The following GPM6A variants were observed in gnomAD, a reference collection of about 807,000 sequenced individuals.
GPM6A encodes the protein neuronal membrane glycoprotein M6-a.
GPM6A carries 7 observed loss-of-function variants against 32.1 expected under a neutral mutation model. The ratio of observed to expected loss-of-function variants is 0.22; its 90% CI spans 0.12 to 0.41. The LOEUF (loss-of-function observed/expected upper bound fraction) is 0.41. Among genes scored for constraint, GPM6A ranks in the 10% least tolerant of loss-of-function variants. The probability of loss-of-function intolerance (pLI) is 1.00; values close to 1 mark genes in which losing one functional copy is unlikely to be tolerated. For synonymous variants in GPM6A, 130 were observed against 123.4 expected, an observed-to-expected ratio of 1.05 and a Z score of -0.35; for missense variants, 235 against 347.2, an observed-to-expected ratio of 0.68 and a Z score of 2.57.
intron 1 of GPM6A, among the ~76,000 whole-genome samples, chr4:175,898,292 C>T (rs1049808832): frequency 2.0e-5 from 3 of 152,134 alleles, no homozygotes; most frequent in African/African-American, 7.2e-5. Context: ...CAAACATTTC[C>T]ATATATAATT....
chr4:175,933,849 T>A (rs1739137778), intron 1 of GPM6A, among the ~76,000 whole-genome samples: 2 of 152,096 alleles, frequency 1.3e-5, no homozygotes, highest in Admixed American at 1.3e-4. Context: ...CGGCCAGAAG[T>A]TTTATTCATA....
intron 1 of GPM6A, among the ~76,000 whole-genome samples, chr4:175,856,434 T>C (rs553293964): frequency 1.3e-5 from 2 of 152,244 alleles, no homozygotes; most frequent in South Asian, 4.1e-4. Context: ...AAGAACCCCA[T>C]ACCAGCGCGC....
Position 175,651,887 on chromosome 4 carries a change from C to G in GPM6A, c.488G>C (p.Arg163Pro). The G allele has an allele frequency of 6.2e-7, 1 of 1,613,316 alleles. No individual in the cohort carries two copies. The highest frequency in any genetic ancestry group is 8.5e-7 in the Non-Finnish European group (1 of 1,179,556). ...TGCTCCCTCCACTAATGTGGTGTTC[C>G]GGCAGATGGTCCACAGATTGAAGTA... ...YMYFNLWTICRNTTLVEGANL... is the reference protein window; with the variant it reads ...YMYFNLWTICPNTTLVEGANL... The change falls in exon 4 of 7, where the codon CGG (arginine) becomes CCG (proline). Residue 163 changes from arginine to proline, a missense_variant. Around this residue, in one of 3 missense-constraint regions of GPM6A, gnomAD observed 107 missense variants for 116.7 expected, o/e 0.92. Coordinates refer to ENST00000393658, the MANE Select transcript of GPM6A (RefSeq NM_201591.3).
intron 1 of GPM6A, among the ~76,000 whole-genome samples, chr4:175,954,413 A>C (rs1333793663): frequency 1.3e-5 from 2 of 152,170 alleles, no homozygotes; most frequent in Admixed American, 1.3e-4. Context: ...TGTAAGCTTA[A>C]ATGAGTTTCC....
At chr4:175,985,898 C>T (rs1032923166) in intron 1 of GPM6A, among the ~76,000 whole-genome samples, 1 of 152,078 alleles carries the variant, frequency 6.6e-6, no homozygotes, top group South Asian at 2.1e-4. Context: ...ATCCATCTCC[C>T]GGTTTTAAGT....
intron 1 of GPM6A, chr4:175,971,896 G>A (rs1463140464): frequency 6.6e-6 from 1 of 152,174 alleles, no homozygotes; most frequent in Non-Finnish European, 1.5e-5. Context: ...GTCAGTGATG[G>A]GATCTCTTGC....
intron 3 of GPM6A, among the ~76,000 whole-genome samples, chr4:175,672,384 C>T (rs1560865875): frequency 6.6e-6 from 1 of 152,156 alleles, no homozygotes; most frequent in Non-Finnish European, 1.5e-5. Flanking sequence ...ACACCAGTGG[C>T]ATTACAATGT....
rs988398060 is a variant in GPM6A at position 175,947,019 on chromosome 4, T to C, written c.-23+55290A>G. Among the ~76,000 whole-genome samples, 9 of 152,334 alleles carry C rather than the reference T, an allele frequency of 5.9e-5. No homozygotes were observed. The South Asian group carries it at 8.3e-4, about 14-fold the overall frequency. On this transcript the variant is annotated intron_variant, in intron 1 of 7. Coordinates refer to the GPM6A transcript ENST00000280187. ...ATTTGAAAATGCTTCATTTATAGGA[T>C]GAAATGAAGTGTGTGTGGCTTTCTT... is the stretch of plus-strand genomic sequence containing the variant.
At chr4:175,940,078 G>C (rs965932791) in intron 1 of GPM6A, among the ~76,000 whole-genome samples, 5 of 152,004 alleles carry the variant, frequency 3.3e-5, no homozygotes, top group South Asian at 2.1e-4. Flanking sequence ...TTTTGTATCA[G>C]GACTGGTTTT....
chr4:175,943,608 G>A (rs182732037), intron 1 of GPM6A, among the ~76,000 whole-genome samples: 7 of 152,102 alleles, frequency 4.6e-5, no homozygotes, highest in Admixed American at 2.6e-4. Context: ...GAATTTTATC[G>A]AAGGCCTTTT....
intron 1 of GPM6A, among the ~76,000 whole-genome samples, chr4:175,729,918 ATTAT>A (rs1731345848): frequency 6.8e-6 from 1 of 146,816 alleles, no homozygotes; most frequent in Non-Finnish European, 1.5e-5. Flanking sequence ...TAATATATAT[ATTAT>A]TTAATATAAA....
chr4:175,979,322 A>C (rs1345356808), intron 1 of GPM6A, among the ~76,000 whole-genome samples: 1 of 152,210 alleles, frequency 6.6e-6, no homozygotes, highest in African/African-American at 2.4e-5. Context: ...TCCAGGTGGT[A>C]TAGGATGAGC....
chr4:175,987,684 C>A (rs1282870338), intron 1 of GPM6A, among the ~76,000 whole-genome samples: 1 of 152,022 alleles, frequency 6.6e-6, no homozygotes, highest in Non-Finnish European at 1.5e-5. Flanking sequence ...AATAACATAA[C>A]TAAACTTAGG....
At chr4:175,760,268 A>T (rs1732687310) in intron 1 of GPM6A, among the ~76,000 whole-genome samples, 1 of 152,192 alleles carries the variant, frequency 6.6e-6, no homozygotes, top group Non-Finnish European at 1.5e-5. Flanking sequence ...CCATGTGTGT[A>T]CTTCTGAATT....
chr4:175,726,550 C>T (rs570493531), intron 1 of GPM6A, among the ~76,000 whole-genome samples: 4 of 152,240 alleles, frequency 2.6e-5, no homozygotes, highest in African/African-American at 9.6e-5. Flanking sequence ...TTAATGGAAA[C>T]TATGCTGAAG....
At chr4:175,982,982 A>G (rs896879887) in intron 1 of GPM6A, among the ~76,000 whole-genome samples, 2 of 152,110 alleles carry the variant, frequency 1.3e-5, no homozygotes, top group Non-Finnish European at 2.9e-5. Context: ...TTTTGGTGCT[A>G]TTTGTAAATG....
intron 2 of GPM6A, among the ~76,000 whole-genome samples, chr4:175,683,885 G>T (rs1005861075): frequency 6.6e-6 from 1 of 151,538 alleles, no homozygotes; most frequent in Non-Finnish European, 1.5e-5. Flanking sequence ...AGGTTGGAGT[G>T]CAGTGATGTG....
intron 1 of GPM6A, among the ~76,000 whole-genome samples, chr4:175,833,237 G>A (rs574272780): frequency 6.6e-6 from 1 of 152,128 alleles, no homozygotes; most frequent in East Asian, 1.9e-4. Context: ...CCTGGGGGTG[G>A]GCGGGCTAAA....
intron 1 of GPM6A, among the ~76,000 whole-genome samples, chr4:175,937,809 T>C (rs1739287641): frequency 6.6e-6 from 1 of 152,056 alleles, no homozygotes; most frequent in African/African-American, 2.4e-5. Flanking sequence ...AATATTAAAG[T>C]AAAAACACAA....
Sources: gnomAD v4.1 joint callset for allele counts (sites outside exome capture counted in the v4.1 genomes callset) on GRCh38, gnomAD v4.1.1 for gene constraint, gnomAD v4.1.1 regional missense constraint, MANE v1.5 for transcripts, NCBI Gene and HGNC (gene_info 2026-07-23, HGNC 2026-07-21) for gene names.